PHF20L1: variants seen among roughly 807,000 people sequenced by gnomAD.
PHF20L1 encodes the protein PHD finger protein 20-like protein 1.
In PHF20L1, 44 loss-of-function variants were observed where a neutral mutation model predicts 125.5. That is an observed-to-expected ratio of 0.35 (90% CI 0.28 to 0.45). The LOEUF (loss-of-function observed/expected upper bound fraction) is 0.45. Ranked by LOEUF, PHF20L1 falls within the 20% of genes least tolerant of loss-of-function variation. PHF20L1 has a pLI of 1.00. For synonymous variants in PHF20L1, 380 were observed against 403.1 expected, an observed-to-expected ratio of 0.94 and a Z score of 0.69; for missense variants, 1,012 against 1,217.2, an observed-to-expected ratio of 0.83 and a Z score of 2.51.
intron 12 of PHF20L1, among the ~76,000 whole-genome samples, chr8:132,821,314 T>C (rs1586994697): frequency 6.6e-6 from 1 of 152,042 alleles, no homozygotes; most frequent in East Asian, 1.9e-4. Context: ...TGAATTATAT[T>C]ATCGATTGGT....
chr8:132,837,343 C>T (rs1837473083), intron 16 of PHF20L1, among the ~76,000 whole-genome samples: 4 of 152,068 alleles, frequency 2.6e-5, no homozygotes, highest in Admixed American at 2.6e-4. Context: ...TTTAAGAGAT[C>T]ATTGGTATAG....
chr8:132,844,545 A>T (rs761869629), intron 20 of PHF20L1, among the ~76,000 whole-genome samples: 1 of 152,096 alleles, frequency 6.6e-6, no homozygotes, highest in Non-Finnish European at 1.5e-5. Flanking sequence ...TAAGGTGGAT[A>T]TTTATTAAAT....
At chr8:132,812,113 C>T in intron 9 of PHF20L1, 11 of 976,534 alleles carry the variant, frequency 1.1e-5, no homozygotes, top group Non-Finnish European at 1.3e-5. Context: ...ATCATACCTT[C>T]TGATTTTCTG....
At chr8:132,837,596 C>G (rs1837506810) in intron 16 of PHF20L1, 116 bp from the exon 17 acceptor site, 1 of 699,970 alleles carries the variant, frequency 1.4e-6, no homozygotes. Context: ...AAGTATGAAA[C>G]TGATAGTGGC....
At chr8:132,790,762 T>C (rs1831595831) in intron 2 of PHF20L1, among the ~76,000 whole-genome samples, 1 of 152,234 alleles carries the variant, frequency 6.6e-6, no homozygotes, top group Non-Finnish European at 1.5e-5. Context: ...AAATGAGTTA[T>C]GCTCTGTGTA....
In PHF20L1 at chr8:132,842,045, T is replaced by C. The variant is rs551059118; in HGVS notation, c.2388-470T>C. ...GTATACTTATCCATTTAAGAACTAA[T>C]TTTAGGTATACAGAAAAAGTCTGGA... On this transcript the variant is annotated intron_variant, in intron 18 of 20. Coordinates refer to ENST00000395386, the MANE Select transcript of PHF20L1 (RefSeq NM_016018.5). 3 of 155,228 alleles carry C rather than the reference T, an allele frequency of 1.9e-5. No individual in the cohort carries two copies. In the South Asian group the frequency reaches 6.0e-4, roughly 31 times the overall value. The allele number at this position is 155,228 out of a possible 1,614,324, so 9.6% of individuals were successfully genotyped here.
intron 9 of PHF20L1, chr8:132,813,084 T>G: frequency 1.0e-6 from 1 of 958,352 alleles, no homozygotes; most frequent in Non-Finnish European, 1.2e-6. Context: ...TATCAAGATA[T>G]TAAGTTTTAA....
Position 132,775,406 on chromosome 8 carries a change from AGGCGGCGGC to A in PHF20L1, c.-266_-258del, listed in dbSNP as rs3832583. 29 of 382,656 alleles carry A rather than the reference AGGCGGCGGC, an allele frequency of 7.6e-5. No homozygotes were observed. Among genetic ancestry groups the A allele is most frequent in the African/African-American group, 1.1e-4 (5 of 47,544 alleles). The allele number at this position is 382,656 out of a possible 1,614,324, so 23.7% of individuals were successfully genotyped here. The stretch of plus-strand genomic sequence containing the variant: ...TCGCGTCAGGGCTGGCCGGCGGCGG[AGGCGGCGGC>A]GGCGGCGGCGATGGCAGCGGACCCT... On this transcript the variant is annotated 5_prime_UTR_variant, in exon 1 of 21. Coordinates refer to ENST00000395386, the MANE Select transcript of PHF20L1 (RefSeq NM_016018.5).
intron 6 of PHF20L1, among the ~76,000 whole-genome samples, chr8:132,802,942 C>T (rs1833253381): frequency 6.6e-6 from 1 of 151,736 alleles, no homozygotes; most frequent in African/African-American, 2.4e-5. Context: ...TCAGCAGATT[C>T]ACTTTGTAGA....
Position 132,787,047 on chromosome 8 carries a change from T to G in PHF20L1, c.84-7363T>G, listed in dbSNP as rs151197107. ...TTTTGCTAGCACCATTAAGTAGTTG[T>G]AGCTTGAAAAAACTGTATGAAGTTC... On this transcript the variant is annotated intron_variant, in intron 2 of 20. Coordinates refer to ENST00000395386, the MANE Select transcript of PHF20L1 (RefSeq NM_016018.5). 1.0e-4 allele frequency among the ~76,000 whole-genome samples: 13 copies of G among 124,764 alleles called. No homozygotes were observed. In the Admixed American group the frequency reaches 1.1e-3, roughly 10 times the overall value. The allele number at this position is 124,764 out of a possible 152,430, so 81.9% of individuals were successfully genotyped here.
chr8:132,804,786 T>A (rs199964347), intron 8 of PHF20L1, 46 bp downstream of exon 8: 118 of 1,478,386 alleles, frequency 8.0e-5, no homozygotes, highest in Non-Finnish European at 1.0e-4. Flanking sequence ...ATGGAAGGTT[T>A]AATTTTAGAG....
intron 12 of PHF20L1, chr8:132,819,116 C>CA (rs752641724): frequency 5.9e-5 from 9 of 151,878 alleles, no homozygotes; most frequent in Non-Finnish European, 1.2e-4. Flanking sequence ...ATATTTGTGG[C>CA]AATGTGGCTG....
intron 20 of PHF20L1, among the ~76,000 whole-genome samples, chr8:132,845,057 A>G (rs900980080): frequency 1.1e-4 from 16 of 151,968 alleles, no homozygotes; most frequent in Admixed American, 5.3e-4. Context: ...ATGGAAACCC[A>G]TTTTAGAAGC....
Position 132,817,013 on chromosome 8 carries a change from G to T in PHF20L1, c.1309G>T (p.Ala437Ser). The change falls in exon 11 of 21, where the codon GCC becomes TCC. Residue 437 changes from alanine to serine, a missense_variant. Ala to Ser is a moderately conservative substitution (Grantham distance 99). Transcript: ENST00000395386. ...SVEKVSSPSP[A>S]TDGKVFSISS... ...AGAAAAGGTTTCTTCTCCCTCTCCA[G>T]CCACTGATGGGAAAGTATTCTCCAT... is the stretch of plus-strand genomic sequence containing the variant. 6.2e-7 allele frequency: 1 copy of T among 1,608,460 alleles called. No homozygotes were observed.
At chr8:132,812,556 A>G in intron 9 of PHF20L1, 7 of 984,736 alleles carry the variant, frequency 7.1e-6, no homozygotes, top group Non-Finnish European at 8.4e-6. Context: ...GAGACCAACA[A>G]TCATTAATGA....
intron 20 of PHF20L1, 130 bp downstream of exon 20, chr8:132,844,448 T>C (rs1838239880): frequency 1.5e-6 from 1 of 651,918 alleles, no homozygotes; most frequent in Non-Finnish European, 2.6e-6. Flanking sequence ...GCTTTATTAC[T>C]CCCTTTGTAT....
intron 8 of PHF20L1, chr8:132,810,792 G>C (rs770120641): frequency 2.5e-6 from 1 of 401,972 alleles, no homozygotes; most frequent in Non-Finnish European, 4.7e-6. Flanking sequence ...GTGTGTGCAA[G>C]TGTGTGTTTT....
intron 18 of PHF20L1, 46 bp from the exon 19 acceptor site, chr8:132,842,469 A>ATTT (rs71276510): frequency 1.8e-5 from 21 of 1,187,792 alleles, no homozygotes; most frequent in East Asian, 5.4e-5. Context: ...TTGTTAATAG[A>ATTT]TTTTTTTTTT....
rs1050902946 is a variant in PHF20L1 at position 132,814,971 on chromosome 8, T to C, written c.1183+82T>C. ...TTTGATTGTAGTTATATTGTATTTT[T>C]ATGAAGTTGCTTTTTAAAAACTCAA... is the stretch of plus-strand genomic sequence containing the variant. On this transcript the variant is annotated intron_variant, in intron 10 of 20. Coordinates refer to ENST00000395386, the MANE Select transcript of PHF20L1 (RefSeq NM_016018.5). 6.1e-6 allele frequency: 7 copies of C among 1,141,680 alleles called. No homozygotes were observed. In the Admixed American group the frequency reaches 1.5e-4, roughly 24 times the overall value. The allele number at this position is 1,141,680 out of a possible 1,614,324, so 70.7% of individuals were successfully genotyped here.
Sources: gnomAD v4.1 joint callset for allele counts (sites outside exome capture counted in the v4.1 genomes callset) on GRCh38, gnomAD v4.1.1 for gene constraint, MANE v1.5 for transcripts, NCBI Gene and HGNC (gene_info 2026-07-23, HGNC 2026-07-21) for gene names.